ESRP2: variants seen among roughly 807,000 people sequenced by gnomAD.
The protein encoded by ESRP2 is epithelial splicing regulatory protein 2, also known as RNA binding motif protein 35A.
A neutral mutation model predicts 78.6 loss-of-function variants in ESRP2; 48 were observed. The ratio of observed to expected loss-of-function variants is 0.61; its 90% CI spans 0.48 to 0.78. The LOEUF is 0.78. Ranked by LOEUF, ESRP2 falls within the 30% of genes least tolerant of loss-of-function variation. The probability of loss-of-function intolerance (pLI) is 0.00; values close to 1 mark genes in which losing one functional copy is unlikely to be tolerated. For missense variants in ESRP2, 863 were observed against 965.9 expected (o/e 0.89, Z 1.41); for synonymous variants, 383 against 406.7 (o/e 0.94, Z 0.70).
Position 68,231,842 on chromosome 16 carries a change from T to C in ESRP2, c.1259A>G (p.Tyr420Cys). The C allele has an allele frequency of 6.2e-7, 1 of 1,613,814 alleles. No individual in the cohort carries two copies. Among genetic ancestry groups the C allele is most frequent in the Non-Finnish European group, 8.5e-7 (1 of 1,179,826 alleles). Residue 420 changes from tyrosine (Y) to cysteine (C), a missense_variant, in exon 10 of 15, where the codon TAC becomes TGC. Physicochemically the swap from Tyr to Cys is radical, Grantham distance 194. Transcript: ENST00000473183. This position sits in a 1 kb window ranked among gnomAD's most constrained non-coding sequence, Gnocchi z 6.0. Reference protein sequence around the residue: ...RRHKGMLGKRYIELFRSTAAE... With the variant: ...RRHKGMLGKRCIELFRSTAAE... ...TGCAGTGCTCCGGAAGAGTTCAATGTATCGCTTACCCAGCATGCCCTTGTG... is the reference window on the plus strand; with the variant it reads ...TGCAGTGCTCCGGAAGAGTTCAATGCATCGCTTACCCAGCATGCCCTTGTG...
chr16:68,235,319 A>G lies in ESRP2; in HGVS notation c.327+315T>C, dbSNP rs999158700. The G allele has an allele frequency of 1.8e-5, 18 of 984,948 alleles. No individual in the cohort carries two copies. The highest frequency in any genetic ancestry group is 2.0e-5 in the Non-Finnish European group (17 of 829,840). 61.0% of individuals were successfully genotyped at this position (984,948 alleles called of 1,614,324 possible). On this transcript the variant is annotated intron_variant, in intron 2 of 14. Transcript: ENST00000473183. The surrounding 1 kb of genome is among the most constrained non-coding windows in gnomAD (Gnocchi z 5.5). Reference sequence around the variant, plus strand: ...GCTGCGGCTCAGGGAGACCTGACCCAGCAGGTCTCCCAAAGGCGTCTCGGC... The same window carrying G: ...GCTGCGGCTCAGGGAGACCTGACCCGGCAGGTCTCCCAAAGGCGTCTCGGC...
rs755680489 is a variant in ESRP2, at chr16:68,235,599, G to T, written c.327+35C>A. The T allele has an allele frequency of 6.3e-7, 1 of 1,595,308 alleles. No individual in the cohort carries two copies. The highest frequency in any genetic ancestry group is 8.5e-7 in the Non-Finnish European group (1 of 1,178,728). On this transcript the variant is annotated intron_variant, in intron 2 of 14. Transcript: ENST00000473183. This position sits in a 1 kb window ranked among gnomAD's most constrained non-coding sequence, Gnocchi z 5.5. ...CAATCCCGCCCAGAAATGTCCTCAC[G>T]TCCAGGCCATGCCGCCACCCACCCC...
chr16:68,230,603 G>A (rs1419232720), intron 13 of ESRP2, 49 bp from the exon 14 acceptor site: 1 of 1,517,262 alleles, frequency 6.6e-7, no homozygotes, highest in Non-Finnish European at 8.8e-7. Flanking sequence ...CTGTGGCCTA[G>A]ACCGAGACCT....
chr16:68,231,645 G>T lies in ESRP2; in HGVS notation c.1349C>A (p.Pro450Gln), dbSNP rs759779188. The change falls in exon 11 of 15, where the codon CCA becomes CAA. Residue 450 changes from proline (P) to glutamine (Q), a missense_variant. Physicochemically the swap from Pro to Gln is moderately conservative, Grantham distance 76 (BLOSUM62 -1). Transcript: ENST00000473183. The surrounding 1 kb of genome is among the most constrained non-coding windows in gnomAD (Gnocchi z 6.0). The stretch of plus-strand genomic sequence containing the variant: ...CAGTGGGAAGGGGATGGGCAGCAGT[G>T]GGGCAGTCAGTGTAGGAAGGAGTGG... Reference protein sequence around the residue: ...SGPLLPTLTAPLLPIPFPLAP... With the variant: ...SGPLLPTLTAQLLPIPFPLAP... 6.2e-7 allele frequency: 1 copy of T among 1,613,772 alleles called. No homozygotes were observed. The highest frequency in any genetic ancestry group is 1.7e-5 in the Admixed American group (1 of 60,000).
At chr16:68,230,697 G>C (rs1567562952) in intron 13 of ESRP2, 143 bp from the exon 14 acceptor site, 7 of 1,430,998 alleles carry the variant, frequency 4.9e-6, no homozygotes, top group Non-Finnish European at 6.7e-6. Context: ...TTTTCGATCT[G>C]TTTTGTAGAT....
chr16:68,233,489 G>C, intron 4 of ESRP2, 64 bp from the exon 5 acceptor site: 1 of 1,241,502 alleles, frequency 8.1e-7, no homozygotes, highest in Non-Finnish European at 1.2e-6. Flanking sequence ...TTACTCCTGG[G>C]CCCAACTCCC....
At chr16:68,233,211 A>AG (rs1264662799) in intron 5 of ESRP2, 116 bp downstream of exon 5, 5 of 740,446 alleles carry the variant, frequency 6.8e-6, no homozygotes, top group East Asian at 5.2e-5. Flanking sequence ...AAAAAAAAAA[A>AG]AAAGAAATGA....
Position 68,230,198 on chromosome 16 carries a change from G to A in ESRP2, c.*28C>T. 5 of 1,603,884 alleles carry A rather than the reference G, an allele frequency of 3.1e-6. No homozygotes were observed. Among genetic ancestry groups the A allele is most frequent in the Non-Finnish European group, 4.3e-6 (5 of 1,170,650 alleles). On this transcript the variant is annotated 3_prime_UTR_variant, in exon 15 of 15. Coordinates refer to ENST00000473183, the MANE Select transcript of ESRP2 (RefSeq NM_024939.3). ...AGAGACATGTTCGCCGAGGATATCA[G>A]CTGGCTCTTACCTCCTGGCTTTCTC...
Position 68,234,016 on chromosome 16 carries a change from AGGACCT to A in ESRP2, c.413_418del (p.Gln138_Val139del), listed in dbSNP as rs773366289. On this transcript the variant is annotated inframe_deletion, in exon 3 of 15. Coordinates refer to ENST00000473183, the MANE Select transcript of ESRP2 (RefSeq NM_024939.3). ...TACCTTCCTGGAGGCCTCGGGGTGC[AGGACCT>A]GTCGCAATAGCTGCTGCCCATCAGT... is the stretch of plus-strand genomic sequence containing the variant. 1 of 1,614,082 alleles carries A rather than the reference AGGACCT, an allele frequency of 6.2e-7. No homozygotes were observed. Among genetic ancestry groups the A allele is most frequent in the South Asian group, 1.1e-5 (1 of 91,078 alleles).
chr16:68,230,753 G>T, intron 13 of ESRP2, 88 bp downstream of exon 13: 1 of 1,546,916 alleles, frequency 6.5e-7, no homozygotes, highest in East Asian at 2.2e-5. Flanking sequence ...CTCAAGGGAG[G>T]AGTTATCTGG....
At position 68,229,540 on chromosome 16, in the gene ESRP2, C is replaced by G. The variant is rs2042096892; in HGVS notation, c.*686G>C. 2 of 152,540 alleles carry G rather than the reference C, an allele frequency of 1.3e-5. No homozygotes were observed. Among genetic ancestry groups the G allele is most frequent in the African/African-American group, 2.4e-5 (1 of 41,452 alleles). 9.4% of individuals were successfully genotyped at this position (152,540 alleles called of 1,614,324 possible). On this transcript the variant is annotated 3_prime_UTR_variant, in exon 15 of 15. Coordinates refer to ENST00000473183, the MANE Select transcript of ESRP2 (RefSeq NM_024939.3). ...AAGTCCTCCCCTTTAAAATTCAAGC[C>G]TGAAGGTTTTGTGTGGGGGCCTACT...
chr16:68,232,424 G>A lies in ESRP2; in HGVS notation c.901C>T (p.Arg301Trp), dbSNP rs1307044181. 6.2e-6 allele frequency: 10 copies of A among 1,613,974 alleles called. No individual in the cohort carries two copies. The Admixed American group carries it at 6.7e-5, about 11-fold the overall frequency. ...ALIRFVDSEQ[R>W]DLALQRHKHH... ...TTGTGTCTCTGCAGCGCTAGGTCCC[G>A]CTGCTCGCTGTCCACAAAGCGGATG... Residue 301 changes from arginine to tryptophan, a missense_variant, in exon 8 of 15, where the codon CGG becomes TGG. Physicochemically the swap from Arg to Trp is moderately radical, Grantham distance 101 (BLOSUM62 -3). Coordinates refer to ENST00000473183, the MANE Select transcript of ESRP2 (RefSeq NM_024939.3). The surrounding 1 kb of genome is among the most constrained non-coding windows in gnomAD (Gnocchi z 5.2).
chr16:68,233,298 C>G (rs770884287), intron 5 of ESRP2, 29 bp downstream of exon 5: 1 of 1,501,022 alleles, frequency 6.7e-7, no homozygotes, highest in Admixed American at 1.7e-5. Context: ...TCCCTGAGAA[C>G]AGGTGACAGG....
chr16:68,233,063 G>C, intron 5 of ESRP2: 1 of 618,750 alleles, frequency 1.6e-6, no homozygotes, highest in Non-Finnish European at 2.8e-6. Flanking sequence ...GGTGGGCATG[G>C]TGGCAGGCGC....
Position 68,230,151 on chromosome 16 carries a change from G to T in ESRP2, c.*75C>A, listed in dbSNP as rs1371175190. 5.0e-6 allele frequency: 7 copies of T among 1,392,322 alleles called. No individual in the cohort carries two copies. The East Asian group carries it at 1.1e-4, about 23-fold the overall frequency. 86.2% of individuals were successfully genotyped at this position (1,392,322 alleles called of 1,614,324 possible). On this transcript the variant is annotated 3_prime_UTR_variant, in exon 15 of 15. Coordinates refer to ENST00000473183, the MANE Select transcript of ESRP2 (RefSeq NM_024939.3). Reference sequence around the variant, plus strand: ...CCAGAAAGAAGCTACCAGGTTGAGGGTGCTGGTCTTCTGGACTCAGGAGAG... The same window carrying T: ...CCAGAAAGAAGCTACCAGGTTGAGGTTGCTGGTCTTCTGGACTCAGGAGAG...
chr16:68,231,349 G>A lies in ESRP2; in HGVS notation c.1540C>T (p.Gln514Ter), dbSNP rs1304919139. ...AGGGCTCGCTCTGCTGATGTCATCT[G>A]AATGAAGGCATCGCCCGATGGCCGG... ...QGRPSGDAFI[Q>*]MTSAERALAA... is the part of the protein sequence containing the mutation. Residue 514 changes from glutamine (Q) to a stop codon, truncating the protein, a stop_gained, in exon 12 of 15, where the codon CAG (glutamine) becomes TAG (stop). Transcript: ENST00000473183. LOFTEE classifies it high-confidence loss of function. This position sits in a 1 kb window ranked among gnomAD's most constrained non-coding sequence, Gnocchi z 6.0. The A allele has an allele frequency of 6.2e-7, 1 of 1,614,004 alleles. No homozygotes were observed. Among genetic ancestry groups the A allele is most frequent in the Non-Finnish European group, 8.5e-7 (1 of 1,180,010 alleles).
chr16:68,230,885 C>T lies in ESRP2; in HGVS notation c.1854G>A (p.Gly618=), dbSNP rs768871334. 33 of 1,613,372 alleles carry T rather than the reference C, an allele frequency of 2.0e-5. No homozygotes were observed. The highest frequency in any genetic ancestry group is 2.8e-5 in the Non-Finnish European group (33 of 1,179,920). Residue 618 remains glycine, a synonymous_variant, in exon 13 of 15, where the codon GGG becomes GGA. Transcript: ENST00000473183. ...AGTTCAGGTAGAGTTGAGTGGCTGG[C>T]CCTGGATAGTAGGCAACAGGGGTGG... ...AAPTPVAYYP[G]PATQLYLNYT... is the part of the protein sequence containing the mutation.
At position 68,235,198 on chromosome 16, in the gene ESRP2, C is replaced by T. The variant is rs1301423312; in HGVS notation, c.327+436G>A. Reference sequence around the variant, plus strand: ...GCGTCTACCTCTAGGGCCGACACCGCCCTACGCCTCCGCTCCAGCAGCTCC... The same window carrying T: ...GCGTCTACCTCTAGGGCCGACACCGTCCTACGCCTCCGCTCCAGCAGCTCC... On this transcript the variant is annotated intron_variant, in intron 2 of 14. Coordinates refer to ENST00000473183, the MANE Select transcript of ESRP2 (RefSeq NM_024939.3). The surrounding 1 kb of genome is among the most constrained non-coding windows in gnomAD (Gnocchi z 5.5). The T allele has an allele frequency of 1.6e-5, 16 of 985,306 alleles. No homozygotes were observed. Among genetic ancestry groups the T allele is most frequent in the Non-Finnish European group, 1.9e-5 (16 of 829,936 alleles). 61.0% of individuals were successfully genotyped at this position (985,306 alleles called of 1,614,324 possible).
In ESRP2 at chr16:68,234,125, GGA is replaced by G. The variant is rs1567566242; in HGVS notation, c.328-20_328-19del. The G allele has an allele frequency of 3.2e-6, 5 of 1,577,144 alleles. No homozygotes were observed. The Admixed American group carries it at 8.8e-5, about 28-fold the overall frequency. ...TGTGAGAACTGGGGATAGGGAATGG[GGA>G]GAGAGAAACACACAGATTCACAGCT... On this transcript the variant is annotated intron_variant, in intron 2 of 14. Transcript: ENST00000473183.
Sources: gnomAD v4.1 joint callset for allele counts on GRCh38, gnomAD v4.1.1 for gene constraint, Gnocchi (gnomAD v3.1) non-coding constraint, MANE v1.5 for transcripts, NCBI Gene and HGNC (gene_info 2026-07-23, HGNC 2026-07-21) for gene names.